The following GAB2 variants were observed in gnomAD, a reference collection of about 807,000 sequenced individuals.
The protein encoded by GAB2 is GRB2-associated-binding protein 2.
Under a neutral mutation model 65.5 loss-of-function variants are expected in GAB2, and 26 were observed. The ratio of observed to expected loss-of-function variants is 0.40; its 90% confidence interval spans 0.29 to 0.55. GAB2 has a LOEUF of 0.55. Among genes scored for constraint, GAB2 ranks in the 20% least tolerant of loss-of-function variants. GAB2 has a pLI of 0.53. For missense variants in GAB2, 884 were observed against 875.8 expected, an observed-to-expected ratio of 1.01 and a Z score of -0.12; for synonymous variants, 321 against 329.6, an observed-to-expected ratio of 0.97 and a Z score of 0.28.
chr11:78,344,522 T>A (rs1303801087), intron 1 of GAB2, among the ~76,000 whole-genome samples: 1 of 152,228 alleles, frequency 6.6e-6, no homozygotes, highest in Non-Finnish European at 1.5e-5. Context: ...CTTAATATCA[T>A]CAAACTTTAT....
At chr11:78,399,061 C>T (rs1438604378) in intron 1 of GAB2, among the ~76,000 whole-genome samples, 1 of 152,080 alleles carries the variant, frequency 6.6e-6, no homozygotes, top group Admixed American at 6.6e-5. Context: ...TTTGAAGGAT[C>T]CTAAGGAACT....
chr11:78,295,342 C>G (rs1015873122), intron 1 of GAB2, among the ~76,000 whole-genome samples: 1 of 152,104 alleles, frequency 6.6e-6, no homozygotes, highest in Non-Finnish European at 1.5e-5. Flanking sequence ...ACCATATGTC[C>G]GAACCAGTTT....
chr11:78,389,543 G>C (rs1856808076), intron 1 of GAB2, among the ~76,000 whole-genome samples: 1 of 152,112 alleles, frequency 6.6e-6, no homozygotes. Flanking sequence ...CCCAACCTCA[G>C]GTGATCCACC....
chr11:78,369,106 C>T (rs1403106444), intron 1 of GAB2, among the ~76,000 whole-genome samples: 1 of 149,908 alleles, frequency 6.7e-6, no homozygotes, highest in African/African-American at 2.5e-5. Context: ...CCACTGCACT[C>T]CAGCCTGGGT....
intron 2 of GAB2, among the ~76,000 whole-genome samples, chr11:78,260,564 T>A (rs1865702367): frequency 6.6e-6 from 1 of 151,978 alleles, no homozygotes. Flanking sequence ...CTCCGCCTTC[T>A]GGGTTCAAGT....
intron 1 of GAB2, among the ~76,000 whole-genome samples, chr11:78,293,812 C>T (rs1204899660): frequency 6.6e-6 from 1 of 152,108 alleles, no homozygotes; most frequent in African/African-American, 2.4e-5. Flanking sequence ...TAAGAACAGC[C>T]AACCGAGAGA....
At chr11:78,249,252 T>G (rs1379475803) in intron 3 of GAB2, among the ~76,000 whole-genome samples, 1 of 152,224 alleles carries the variant, frequency 6.6e-6, no homozygotes, top group East Asian at 1.9e-4. Flanking sequence ...AGTGTATTGA[T>G]TGGTTCAAAT....
chr11:78,259,755 T>C (rs1190529753), intron 2 of GAB2, among the ~76,000 whole-genome samples: 1 of 152,224 alleles, frequency 6.6e-6, no homozygotes, highest in African/African-American at 2.4e-5. Context: ...ATCTCTCATC[T>C]ACAGTTTGAG....
intron 1 of GAB2, among the ~76,000 whole-genome samples, chr11:78,298,283 C>T (rs939211470): frequency 1.1e-4 from 16 of 152,144 alleles, no homozygotes; most frequent in African/African-American, 3.9e-4. Flanking sequence ...TGGGAGATAC[C>T]GGAGAAGGAA....
intron 1 of GAB2, among the ~76,000 whole-genome samples, chr11:78,306,757 C>G (rs1369267218): frequency 2.0e-5 from 3 of 152,304 alleles, no homozygotes; most frequent in East Asian, 3.9e-4. Flanking sequence ...GATTTAGATT[C>G]TGAAGATACA....
intron 2 of GAB2, among the ~76,000 whole-genome samples, chr11:78,254,963 T>C (rs1432453809): frequency 2.0e-5 from 3 of 152,022 alleles, no homozygotes; most frequent in Non-Finnish European, 4.4e-5. Context: ...TATACTAGGT[T>C]TACTAGTGTC....
chr11:78,295,397 C>T (rs1565147436), intron 1 of GAB2, among the ~76,000 whole-genome samples: 1 of 152,168 alleles, frequency 6.6e-6, no homozygotes, highest in Non-Finnish European at 1.5e-5. Context: ...GAGCCCTGAT[C>T]ATATTCATTA....
At chr11:78,389,434 G>T (rs1856806751) in intron 1 of GAB2, among the ~76,000 whole-genome samples, 1 of 151,904 alleles carries the variant, frequency 6.6e-6, no homozygotes, top group Non-Finnish European at 1.5e-5. Flanking sequence ...AGCCTCCCAA[G>T]TAGCTGGGAT....
chr11:78,399,360 T>G (rs554207386), intron 1 of GAB2, among the ~76,000 whole-genome samples: 4 of 152,308 alleles, frequency 2.6e-5, no homozygotes, highest in Admixed American at 6.5e-5. Flanking sequence ...TCCTGCAGGG[T>G]AGGCAATCTG....
chr11:78,222,214 G>A lies in GAB2; in HGVS notation c.1568-19C>T, dbSNP rs368919340. 5.1e-6 allele frequency: 8 copies of A among 1,560,178 alleles called. No individual in the cohort carries two copies. The highest frequency in any genetic ancestry group is 6.2e-6 in the Non-Finnish European group (7 of 1,130,906). On this transcript the variant is annotated intron_variant, in intron 6 of 9. Transcript: ENST00000361507. Reference sequence around the variant, plus strand: ...GGCTTTGCTGGAGCAGGAAAAGAAAGTCTGGTAATCAGCCAGTAATGATAA... The same window carrying A: ...GGCTTTGCTGGAGCAGGAAAAGAAAATCTGGTAATCAGCCAGTAATGATAA...
At position 78,280,853 on chromosome 11, in the gene GAB2, C is replaced by G; in HGVS notation, c.124G>C (p.Asp42His). 1 of 1,614,110 alleles carries G rather than the reference C, an allele frequency of 6.2e-7. No homozygotes were observed. The highest frequency in any genetic ancestry group is 1.3e-5 in the African/African-American group (1 of 75,056). The change falls in exon 2 of 10, where the codon GAC becomes CAC. Residue 42 changes from aspartate (D) to histidine (H), a missense_variant. Asp to His is a moderately conservative substitution (Grantham distance 81). Transcript: ENST00000361507. ...FILRSGRMSG[D>H]PDVLEYYKND... ...TTGTAGTATTCCAGAACATCTGGGT[C>G]ACCGCTCATCCGGCCACTCCGCAGG...
rs544634025 is a variant in GAB2 at position 78,282,410 on chromosome 11, G to A, written c.76-1509C>T. On this transcript the variant is annotated intron_variant, in intron 1 of 9. Transcript: ENST00000361507. ...CAACCTCTGCCTCCTGGGTTCAAGCGGATTTATCCTGCCTCAGCCTACGGA... is the reference window on the plus strand; with the variant it reads ...CAACCTCTGCCTCCTGGGTTCAAGCAGATTTATCCTGCCTCAGCCTACGGA... 1.2e-4 allele frequency among the ~76,000 whole-genome samples: 18 copies of A among 151,778 alleles called. No individual in the cohort carries two copies. The East Asian group carries it at 1.4e-3, about 11-fold the overall frequency.
chr11:78,244,409 A>C (rs974042489), intron 3 of GAB2, among the ~76,000 whole-genome samples: 2 of 151,990 alleles, frequency 1.3e-5, no homozygotes, highest in African/African-American at 4.8e-5. Context: ...AGAAAAAAAA[A>C]AGACAAATGG....
intron 3 of GAB2, among the ~76,000 whole-genome samples, chr11:78,236,937 C>A (rs1297946362): frequency 6.6e-6 from 1 of 152,132 alleles, no homozygotes; most frequent in Non-Finnish European, 1.5e-5. Flanking sequence ...TAGTTGGATT[C>A]GACTGCTAAT....
Sources: gnomAD v4.1 joint callset for allele counts (sites outside exome capture counted in the v4.1 genomes callset) on GRCh38, gnomAD v4.1.1 for gene constraint, MANE v1.5 for transcripts, NCBI Gene and HGNC (gene_info 2026-07-23, HGNC 2026-07-21) for gene names.